The following CHD1L variants were observed in gnomAD, a reference collection of about 807,000 sequenced individuals.
CHD1L encodes the protein ATP-dependent chromatin remodeler CHD1L.
In CHD1L, 118 loss-of-function variants were observed where a neutral mutation model predicts 115.9. The observed-to-expected ratio is 1.02, with a 90% CI of 0.88 to 1.19. CHD1L has a LOEUF of 1.19. Ranked by LOEUF, CHD1L falls within the 50% of genes most tolerant of loss-of-function variation. CHD1L has a pLI of 0.00. For synonymous variants in CHD1L, 411 were observed against 387.1 expected, an observed-to-expected ratio of 1.06 and a Z score of -0.72; for missense variants, 1,179 against 1,065.3, an observed-to-expected ratio of 1.11 and a Z score of -1.49.
chr1:147,190,123 T>G, the CHD1L span: 3 of 1,193,990 alleles, frequency 2.5e-6, no homozygotes, highest in South Asian at 3.9e-5. Context: ...ATATTTCTTT[T>G]ATTAAGAAAT....
At chr1:147,285,251 G>T (rs1682600935) in intron 16 of CHD1L, 73 bp from the exon 17 acceptor site, 1 of 1,489,612 alleles carries the variant, frequency 6.7e-7, no homozygotes. Context: ...CTTCCGTACA[G>T]TGTGTGTTAG....
the CHD1L span, chr1:147,225,165 G>A: frequency 6.6e-7 from 1 of 1,519,592 alleles, no homozygotes; most frequent in African/African-American, 1.4e-5. Flanking sequence ...TACAAGAGGT[G>A]TCTTGAGGAG....
intron 20 of CHD1L, among the ~76,000 whole-genome samples, chr1:147,292,631 TCTG>T (rs1461847813): frequency 6.6e-6 from 1 of 152,202 alleles, no homozygotes; most frequent in Non-Finnish European, 1.5e-5. Flanking sequence ...GATACTGACA[TCTG>T]CTCCTGCTGG....
At chr1:147,242,256 C>T (rs1664980126), upstream of CHD1L, among the ~76,000 whole-genome samples, 1 of 152,174 alleles carries the variant, frequency 6.6e-6, no homozygotes, top group Admixed American at 6.5e-5. Context: ...CAATTTATCA[C>T]TAGGTAAACC....
At chr1:147,292,233 G>T (rs587602822) in intron 20 of CHD1L, among the ~76,000 whole-genome samples, 1 of 152,176 alleles carries the variant, frequency 6.6e-6, no homozygotes, top group South Asian at 2.1e-4. Context: ...GAACTCTGAC[G>T]GTTTCATTTC....
At chr1:147,282,956 G>T (rs1290761159) in intron 15 of CHD1L, among the ~76,000 whole-genome samples, 1 of 152,160 alleles carries the variant, frequency 6.6e-6, no homozygotes, top group African/African-American at 2.4e-5. Context: ...TAGAGACGCG[G>T]GTCTAGGCTT....
At chr1:147,219,244 T>C in the CHD1L span, among the ~76,000 whole-genome samples, 2 of 152,210 alleles carry the variant, frequency 1.3e-5, no homozygotes, top group African/African-American at 4.8e-5. Flanking sequence ...ATATGTAATA[T>C]TATGTCTATC....
chr1:147,264,957 G>T (rs1300260113), intron 7 of CHD1L, among the ~76,000 whole-genome samples: 2 of 152,200 alleles, frequency 1.3e-5, no homozygotes, highest in Non-Finnish European at 2.9e-5. Flanking sequence ...CCAAACTACT[G>T]TTCAGCATAC....
At chr1:147,204,504 A>G in the CHD1L span, 2 of 1,555,900 alleles carry the variant, frequency 1.3e-6, no homozygotes, top group South Asian at 2.2e-5. Flanking sequence ...CCAAATTAGG[A>G]AGAATCTCAT....
chr1:147,201,283 G>T, the CHD1L span: 1 of 1,614,118 alleles, frequency 6.2e-7, no homozygotes, highest in Non-Finnish European at 8.5e-7. Context: ...TTTATACAGG[G>T]ATATCTTGTT....
At chr1:147,275,649 T>G (rs587663677) in intron 13 of CHD1L, among the ~76,000 whole-genome samples, 181 bp downstream of exon 13, 1 of 152,100 alleles carries the variant, frequency 6.6e-6, no homozygotes, top group Non-Finnish European at 1.5e-5. Flanking sequence ...CAGTCCAGAC[T>G]GACTTTATTA....
the CHD1L span, chr1:147,201,151 C>T: frequency 1.2e-6 from 2 of 1,604,400 alleles, no homozygotes; most frequent in South Asian, 1.1e-5. Flanking sequence ...TGGTCACTTA[C>T]CTTTAAATAC....
chr1:147,246,571 A>T (rs762953964), intron 1 of CHD1L, among the ~76,000 whole-genome samples: 4 of 152,182 alleles, frequency 2.6e-5, no homozygotes, highest in Non-Finnish European at 4.4e-5. Flanking sequence ...AGCATTTGAT[A>T]TTGCTACTTT....
the CHD1L span, among the ~76,000 whole-genome samples, chr1:147,183,177 G>C: frequency 6.6e-6 from 1 of 152,084 alleles, no homozygotes; most frequent in Non-Finnish European, 1.5e-5. Context: ...CAGCCTGGGC[G>C]ACAGAGCGAG....
At chr1:147,295,048 T>TAGAGC (rs1553975554) in intron 22 of CHD1L, among the ~76,000 whole-genome samples, 14 of 152,338 alleles carry the variant, frequency 9.2e-5, no homozygotes, top group African/African-American at 3.1e-4. Flanking sequence ...AGTTAGCATA[T>TAGAGC]TTTGAACTAT....
At chr1:147,273,845 CATTT>C (rs771654523) in intron 12 of CHD1L, among the ~76,000 whole-genome samples, 3 of 152,152 alleles carry the variant, frequency 2.0e-5, no homozygotes, top group Non-Finnish European at 4.4e-5. Context: ...GCAGTATTTT[CATTT>C]ATTTAACAGG....
intron 13 of CHD1L, 126 bp downstream of exon 13, chr1:147,275,594 T>C: frequency 2.9e-6 from 2 of 693,138 alleles, no homozygotes; most frequent in East Asian, 2.7e-5. Flanking sequence ...TTTTAGCTCA[T>C]CTGTGCTATT....
the CHD1L span, among the ~76,000 whole-genome samples, chr1:147,234,821 A>T: frequency 6.6e-6 from 1 of 152,296 alleles, no homozygotes; most frequent in Admixed American, 6.5e-5. Flanking sequence ...CCCTTATTTC[A>T]TTTGTATAGT....
intron 6 of CHD1L, among the ~76,000 whole-genome samples, chr1:147,263,313 C>A (rs115246987): frequency 1.3e-5 from 2 of 151,448 alleles, no homozygotes; most frequent in Non-Finnish European, 2.9e-5. Context: ...GTGTGTAGCT[C>A]CAGCTACTGG....
Sources: gnomAD v4.1 joint callset for allele counts (sites outside exome capture counted in the v4.1 genomes callset) on GRCh38, gnomAD v4.1.1 for gene constraint, MANE v1.5 for transcripts, NCBI Gene and HGNC (gene_info 2026-07-23, HGNC 2026-07-21) for gene names.